The following PNMA8A variants were observed in gnomAD, a reference collection of about 807,000 sequenced individuals.
The protein encoded by PNMA8A is PNMA family member 8A.
A neutral mutation model predicts 26.6 loss-of-function variants in PNMA8A; 17 were observed. The ratio of observed to expected loss-of-function variants is 0.64; its 90% CI spans 0.44 to 0.96. The LOEUF is 0.96. Ranked by LOEUF, PNMA8A falls within the 40% of genes least tolerant of loss-of-function variation. The pLI is 0.00. For missense variants in PNMA8A, 532 were observed against 488.4 expected (o/e 1.09, Z -0.84); for synonymous variants, 224 against 182.0 (o/e 1.23, Z -1.86).
In PNMA8A at chr19:46,469,930, A is replaced by G; in HGVS notation, c.1106T>C (p.Leu369Ser). 2 of 1,614,092 alleles carry G rather than the reference A, an allele frequency of 1.2e-6. No homozygotes were observed. The highest frequency in any genetic ancestry group is 1.7e-6 in the Non-Finnish European group (2 of 1,179,994). ...AACCAAGACGTAGGAGACAGGGCCC[A>G]AGCTCACCTTCTTCTTCTTCCTCAT... ...APMRKKKKVS[L>S]GPVSYVLVDS... The change falls in exon 2 of 3, where the codon TTG becomes TCG. Residue 369 changes from leucine (L) to serine (S), a missense_variant. Physicochemically the swap from Leu to Ser is moderately radical, Grantham distance 145. Transcript: ENST00000313683.
Position 46,470,582 on chromosome 19 carries a change from C to A in PNMA8A, c.454G>T (p.Val152Leu), listed in dbSNP as rs142708071. The A allele has an allele frequency of 1.2e-6, 2 of 1,614,032 alleles. No homozygotes were observed. The highest frequency in any genetic ancestry group is 8.5e-7 in the Non-Finnish European group (1 of 1,179,990). Residue 152 changes from valine to leucine, a missense_variant, in exon 2 of 3, where the codon GTG becomes TTG. Transcript: ENST00000313683. Reference protein sequence around the residue: ...PPENWAEALGVLLGAVVQIIF... With the variant: ...PPENWAEALGLLLGAVVQIIF... ...ATCTGCACCACTGCTCCCAGAAGCA[C>A]CCCCAGAGCTTCTGCCCAGTTCTCT...
Position 46,470,043 on chromosome 19 carries a change from G to T in PNMA8A, c.993C>A (p.Gly331=). ...CACCATCTTGGTCTGACTCAGAGGC[G>T]CCTCCTGGGCTCTCGGCTTCTGCCC... ...DARAEAESPG[G]ASESDQDGGH... Residue 331 remains glycine, a synonymous_variant, in exon 2 of 3, where the codon GGC becomes GGA. Transcript: ENST00000313683. The T allele has an allele frequency of 6.3e-7, 1 of 1,594,386 alleles. No homozygotes were observed. The highest frequency in any genetic ancestry group is 8.5e-7 in the Non-Finnish European group (1 of 1,172,626).
chr19:46,469,901 A>G lies in PNMA8A; in HGVS notation c.1135T>C (p.Ser379Pro), dbSNP rs1969759607. The change falls in exon 2 of 3, where the codon TCA (serine) becomes CCA (proline). Residue 379 changes from serine (S) to proline (P), a missense_variant. Ser to Pro is a moderately conservative substitution (Grantham distance 74, BLOSUM62 -1). Coordinates refer to ENST00000313683, the MANE Select transcript of PNMA8A (RefSeq NM_018215.4). ...LGPVSYVLVD[S>P]EDGRKKPVMP... ...ACCGGCTTCTTCCTGCCATCTTCTG[A>G]GTCAACCAAGACGTAGGAGACAGGG... 1 of 1,614,114 alleles carries G rather than the reference A, an allele frequency of 6.2e-7. No homozygotes were observed. Among genetic ancestry groups the G allele is most frequent in the South Asian group, 1.1e-5 (1 of 91,080 alleles).
chr19:46,467,013 G>A lies in PNMA8A; in HGVS notation c.*1548C>T, dbSNP rs955928754. On this transcript the variant is annotated 3_prime_UTR_variant, in exon 3 of 3. Transcript: ENST00000313683. The stretch of plus-strand genomic sequence containing the variant: ...ATGACGAAAGGAAACTTGCTTTCAG[G>A]GTGTCAGATTATAGAACATGCACAG... 1 of 152,104 alleles carries A rather than the reference G, an allele frequency of 6.6e-6. No individual in the cohort carries two copies. Among genetic ancestry groups the A allele is most frequent in the Non-Finnish European group, 1.5e-5 (1 of 68,032 alleles). 9.4% of individuals were successfully genotyped at this position (152,104 alleles called of 1,614,324 possible).
chr19:46,468,614 C>T, intron 2 of PNMA8A, 37 bp from the exon 3 acceptor site: 1 of 1,576,446 alleles, frequency 6.3e-7, no homozygotes, highest in Non-Finnish European at 8.7e-7. Context: ...AGAAGGGAAG[C>T]AGAGAGGTGT....
Position 46,470,385 on chromosome 19 carries a change from G to A in PNMA8A, c.651C>T (p.Asn217=), listed in dbSNP as rs148290273. 1.2e-6 allele frequency: 2 copies of A among 1,614,082 alleles called. No homozygotes were observed. Among genetic ancestry groups the A allele is most frequent in the Non-Finnish European group, 1.7e-6 (2 of 1,180,048 alleles). The change falls in exon 2 of 3, where the codon AAC becomes AAT. Residue 217 remains asparagine (N), a synonymous_variant. Coordinates refer to ENST00000313683, the MANE Select transcript of PNMA8A (RefSeq NM_018215.4). ...CATGCTGGTCTTCCGTGGCATTCCA[G>A]TTGTTGGGGGTCTCTGCCTTTAAGG... The part of the protein sequence containing the change: ...GSALKAETPN[N]WNATEDQHEP...
chr19:46,468,970 G>C (rs1242982405), intron 2 of PNMA8A, among the ~76,000 whole-genome samples: 1 of 152,150 alleles, frequency 6.6e-6, no homozygotes, highest in Non-Finnish European at 1.5e-5. Context: ...CCAGTAGCTG[G>C]GATTACAGGC....
Position 46,469,926 on chromosome 19 carries a change from G to A in PNMA8A, c.1110C>T (p.Gly370=). Residue 370 remains glycine (G), a synonymous_variant, in exon 2 of 3, where the codon GGC becomes GGT. Coordinates refer to ENST00000313683, the MANE Select transcript of PNMA8A (RefSeq NM_018215.4). ...PMRKKKKVSL[G]PVSYVLVDSE... is the part of the protein sequence containing the mutation. Reference sequence around the variant, plus strand: ...AGTCAACCAAGACGTAGGAGACAGGGCCCAAGCTCACCTTCTTCTTCTTCC... The same window carrying A: ...AGTCAACCAAGACGTAGGAGACAGGACCCAAGCTCACCTTCTTCTTCTTCC... The A allele has an allele frequency of 6.2e-7, 1 of 1,614,176 alleles. No individual in the cohort carries two copies. The highest frequency in any genetic ancestry group is 8.5e-7 in the Non-Finnish European group (1 of 1,180,014).
chr19:46,469,702 C>T (rs574108923), intron 2 of PNMA8A, 31 bp downstream of exon 2: 9 of 1,557,616 alleles, frequency 5.8e-6, no homozygotes, highest in East Asian at 2.3e-5. Context: ...CTTGCTGGCA[C>T]GAGCCCAGTC....
rs1258792954 is a variant in PNMA8A at position 46,471,015 on chromosome 19, C to T, written c.21G>A (p.Met7Ile). The T allele has an allele frequency of 1.3e-6, 1 of 774,328 alleles. No individual in the cohort carries two copies. Among genetic ancestry groups the T allele is most frequent in the East Asian group, 2.4e-5 (1 of 41,076 alleles). 48.0% of individuals were successfully genotyped at this position (774,328 alleles called of 1,614,324 possible). A position where few individuals can be genotyped will look rare whatever the true frequency, so the allele number is the denominator to read the frequency against. The change falls in exon 2 of 3, where the codon ATG becomes ATA. Residue 7 changes from methionine to isoleucine, a missense_variant. Coordinates refer to ENST00000313683, the MANE Select transcript of PNMA8A (RefSeq NM_018215.4). MSKTMA[M>I]NLLEDWCRGM... ...CCCTGCACCAATCCTCCAGAAGGTT[C>T]ATCGCCATGGTCTTGGACATTTAGC...
rs771910388 is a variant in PNMA8A, at chr19:46,471,080, T to C, written c.-45A>G. On this transcript the variant is annotated 5_prime_UTR_variant, in exon 2 of 3. Transcript: ENST00000313683. ...TATGTGTAGTAAATAGTCTATCAGGTGGACGTGGGCTGCAGCGGTCTCCAA... is the reference window on the plus strand; with the variant it reads ...TATGTGTAGTAAATAGTCTATCAGGCGGACGTGGGCTGCAGCGGTCTCCAA... 4.3e-6 allele frequency: 3 copies of C among 697,882 alleles called. No homozygotes were observed. The highest frequency in any genetic ancestry group is 7.9e-6 in the Non-Finnish European group (3 of 377,482). 43.2% of individuals were successfully genotyped at this position (697,882 alleles called of 1,614,324 possible). A position where few individuals can be genotyped will look rare whatever the true frequency, so the allele number is the denominator to read the frequency against.
chr19:46,466,570 C>T lies in PNMA8A; in HGVS notation c.*1991G>A, dbSNP rs1265941549. On this transcript the variant is annotated 3_prime_UTR_variant, in exon 3 of 3. Coordinates refer to ENST00000313683, the MANE Select transcript of PNMA8A (RefSeq NM_018215.4). ...ACTAGTCATGGTGTCAACTTGTTAA[C>T]ACAACGAAGCCCTAATGGACCCGTT... 6.6e-6 allele frequency: 1 copy of T among 152,156 alleles called. No individual in the cohort carries two copies. Among genetic ancestry groups the T allele is most frequent in the African/African-American group, 2.4e-5 (1 of 41,410 alleles). 9.4% of individuals were successfully genotyped at this position (152,156 alleles called of 1,614,324 possible). A position where few individuals can be genotyped will look rare whatever the true frequency, so the allele number is the denominator to read the frequency against.
chr19:46,470,688 G>A lies in PNMA8A; in HGVS notation c.348C>T (p.Ala116=), dbSNP rs781718756. 1.0e-5 allele frequency: 12 copies of A among 1,176,854 alleles called. No individual in the cohort carries two copies. The South Asian group carries it at 1.3e-4, about 13-fold the overall frequency. The allele number at this position is 1,176,854 out of a possible 1,614,324, so 72.9% of individuals were successfully genotyped here. A position where few individuals can be genotyped will look rare whatever the true frequency, so the allele number is the denominator to read the frequency against. Residue 116 remains alanine (A), a synonymous_variant, in exon 2 of 3, where the codon GCC becomes GCT. Transcript: ENST00000313683. ...CCACATCCTCCCAGGTGCGCCCCTC[G>A]GCATCCAGGAATTCATTCAGATTTT... is the stretch of plus-strand genomic sequence containing the variant. ...FLKNLNEFLD[A]EGRTWEDVVR...
rs377203137 is a variant in PNMA8A, at chr19:46,470,408, A to C, written c.628T>G (p.Leu210Val). The change falls in exon 2 of 3, where the codon TTA becomes GTA. Residue 210 changes from leucine to valine, a missense_variant. By Grantham distance (32) the Leu-to-Val change is conservative. Coordinates refer to ENST00000313683, the MANE Select transcript of PNMA8A (RefSeq NM_018215.4). ...PGLAAEVGSA[L>V]KAETPNNWNA... is the part of the protein sequence containing the mutation. ...CAGTTGTTGGGGGTCTCTGCCTTTA[A>C]GGCAGAACCCACCTCTGCTGCAAGC... The C allele has an allele frequency of 2.5e-6, 4 of 1,614,036 alleles. No individual in the cohort carries two copies. In the African/African-American group the frequency reaches 5.3e-5, roughly 22 times the overall value.
Position 46,469,933 on chromosome 19 carries a change from C to G in PNMA8A, c.1103G>C (p.Ser368Thr), listed in dbSNP as rs1969760097. ...CAAGACGTAGGAGACAGGGCCCAAG[C>G]TCACCTTCTTCTTCTTCCTCATGGG... Reference protein sequence around the residue: ...PAPMRKKKKVSLGPVSYVLVD... With the variant: ...PAPMRKKKKVTLGPVSYVLVD... The change falls in exon 2 of 3, where the codon AGC becomes ACC. Residue 368 changes from serine (S) to threonine (T), a missense_variant. By Grantham distance (58) the Ser-to-Thr change is moderately conservative (BLOSUM62 1). Transcript: ENST00000313683. 1 of 1,614,018 alleles carries G rather than the reference C, an allele frequency of 6.2e-7. No individual in the cohort carries two copies.
rs8103767 is a variant in PNMA8A, at chr19:46,471,421, C to G, written c.-164G>C. The stretch of plus-strand genomic sequence containing the variant: ...TTTCCCAGTCGCTGGCTCCGGCTAC[C>G]CCGGCGCCGCTGCTAGAGGCAGAAA... On this transcript the variant is annotated 5_prime_UTR_variant, in exon 1 of 3. Coordinates refer to ENST00000313683, the MANE Select transcript of PNMA8A (RefSeq NM_018215.4). 0.24 allele frequency: 39,327 copies of G among 165,174 alleles called. 4,983 individuals are homozygous for G. The highest frequency in any genetic ancestry group is 0.28 in the African/African-American group (11,843 of 42,016). 10.2% of individuals were successfully genotyped at this position (165,174 alleles called of 1,614,324 possible).
intron 2 of PNMA8A, 132 bp from the exon 3 acceptor site, chr19:46,468,709 T>TGGCTCACGCCTG: frequency 1.4e-6 from 1 of 703,978 alleles, no homozygotes; most frequent in Admixed American, 2.2e-5. Context: ...AACTTCACCC[T>TGGCTCACGCCTG]TAAAGCCACA....
chr19:46,469,609 GTCC>G (rs1370057477), intron 2 of PNMA8A, 121 bp downstream of exon 2: 2 of 1,055,112 alleles, frequency 1.9e-6, no homozygotes, highest in African/African-American at 1.6e-5. Context: ...ATGCACCAGG[GTCC>G]TCCTCATCAC....
rs1368626159 is a variant in PNMA8A, at chr19:46,467,813, T to C, written c.*748A>G. 4 of 152,176 alleles carry C rather than the reference T, an allele frequency of 2.6e-5. No homozygotes were observed. The highest frequency in any genetic ancestry group is 9.7e-5 in the African/African-American group (4 of 41,448). The allele number at this position is 152,176 out of a possible 1,614,324, so 9.4% of individuals were successfully genotyped here. On this transcript the variant is annotated 3_prime_UTR_variant, in exon 3 of 3. Transcript: ENST00000313683. The stretch of plus-strand genomic sequence containing the variant: ...GCAAAGATGGTGACAGTTGGGTAGA[T>C]GGATGGAATTAGAGCTGGGGACCTA...
Sources: gnomAD v4.1 joint callset for allele counts (sites outside exome capture counted in the v4.1 genomes callset) on GRCh38, gnomAD v4.1.1 for gene constraint, MANE v1.5 for transcripts, NCBI Gene and HGNC (gene_info 2026-07-23, HGNC 2026-07-21) for gene names.